HECW2: variants seen among roughly 807,000 people sequenced by gnomAD.
HECW2 encodes the protein HECT, C2 and WW domain containing E3 ubiquitin protein ligase 2.
Under a neutral mutation model 175.2 loss-of-function variants are expected in HECW2, and 61 were observed. The ratio of observed to expected loss-of-function variants is 0.35; its 90% confidence interval spans 0.28 to 0.43. HECW2 has a LOEUF of 0.43. Among genes scored for constraint, HECW2 ranks in the 20% least tolerant of loss-of-function variants. The pLI is 1.00. For synonymous variants in HECW2, 671 were observed against 731.0 expected (o/e 0.92, Z 1.32); for missense variants, 1,524 against 2,000.5 (o/e 0.76, Z 4.54).
chr2:196,266,353 G>GA (rs972039955), intron 17 of HECW2, among the ~76,000 whole-genome samples: 43 of 135,156 alleles, frequency 3.2e-4, no homozygotes, highest in East Asian at 4.2e-4. Context: ...TGCCTCAAAA[G>GA]AAAAAAAAAA....
At chr2:196,245,072 T>C (rs572024870) in intron 19 of HECW2, among the ~76,000 whole-genome samples, 5 of 152,288 alleles carry the variant, frequency 3.3e-5, no homozygotes, top group Middle Eastern at 3.4e-3. Flanking sequence ...GGATAAGGAC[T>C]AGACTGGAGT....
rs777625334 is a variant in HECW2 at position 196,220,894 on chromosome 2, T to C, written c.4194A>G (p.Thr1398=). The C allele has an allele frequency of 6.2e-7, 1 of 1,614,162 alleles. No individual in the cohort carries two copies. Among genetic ancestry groups the C allele is most frequent in the South Asian group, 1.1e-5 (1 of 91,082 alleles). The change falls in exon 25 of 29, where the codon ACA becomes ACG. Residue 1398 remains threonine, a synonymous_variant. Coordinates refer to ENST00000644978, the MANE Select transcript of HECW2 (RefSeq NM_001348768.2). ...LKPGGANIPV[T]EKNKKEYIER... is the part of the protein sequence containing the mutation. The stretch of plus-strand genomic sequence containing the variant: ...CGATGTACTCCTTCTTGTTCTTCTC[T>C]GTAACTGGGATATTGGCACCCCCTG...
chr2:196,581,303 G>A (rs1054747900), intron 1 of HECW2, among the ~76,000 whole-genome samples: 20 of 152,316 alleles, frequency 1.3e-4, no homozygotes, highest in Admixed American at 5.9e-4. Context: ...GGGAGGCCAA[G>A]ACAGGAGAAT....
At chr2:196,329,481 T>G (rs1167833295) in intron 5 of HECW2, 94 bp downstream of exon 5, 2 of 963,722 alleles carry the variant, frequency 2.1e-6, no homozygotes, top group East Asian at 4.9e-5. Flanking sequence ...CATATCATCA[T>G]ATCATATACG....
intron 2 of HECW2, among the ~76,000 whole-genome samples, chr2:196,358,808 A>G (rs747132965): frequency 2.6e-4 from 40 of 152,178 alleles, no homozygotes; most frequent in Non-Finnish European, 4.7e-4. Flanking sequence ...TTCTTAATCC[A>G]TAGATGCCAA....
intron 2 of HECW2, among the ~76,000 whole-genome samples, chr2:196,399,078 T>G (rs753724610): frequency 6.6e-6 from 1 of 152,234 alleles, no homozygotes; most frequent in South Asian, 2.1e-4. Flanking sequence ...CATGATGACA[T>G]ATTGGCCCCC....
intron 1 of HECW2, among the ~76,000 whole-genome samples, chr2:196,462,686 C>G (rs1696793952): frequency 6.6e-6 from 1 of 151,710 alleles, no homozygotes; most frequent in Non-Finnish European, 1.5e-5. Context: ...ACCCACCCCT[C>G]CCCCCGAAAA....
chr2:196,553,116 A>C (rs910009523), intron 1 of HECW2, among the ~76,000 whole-genome samples: 7 of 152,258 alleles, frequency 4.6e-5, no homozygotes, highest in Admixed American at 1.3e-4. Context: ...CTAGGAATCA[A>C]ATTTAAATGA....
Position 196,203,463 on chromosome 2 carries a change from A to G in HECW2, c.4608-2075T>C, listed in dbSNP as rs181274076. Among the ~76,000 whole-genome samples the G allele has an allele frequency of 2.6e-5, 4 of 152,340 alleles. No homozygotes were observed. The East Asian group carries it at 7.7e-4, about 29-fold the overall frequency. ...TTCCAGGGGTAGGGGAGGAAGAAGC[A>G]GAAAAGTAGAATACGTTTTGAATAT... On this transcript the variant is annotated intron_variant, in intron 28 of 28. Transcript: ENST00000644978.
chr2:196,559,332 C>T (rs980425956), intron 1 of HECW2, among the ~76,000 whole-genome samples: 1 of 152,196 alleles, frequency 6.6e-6, no homozygotes, highest in African/African-American at 2.4e-5. Flanking sequence ...GTCCACCCTT[C>T]AGAAACACGT....
intron 1 of HECW2, among the ~76,000 whole-genome samples, chr2:196,514,683 C>T (rs953602620): frequency 3.3e-5 from 5 of 152,312 alleles, no homozygotes; most frequent in Non-Finnish European, 5.9e-5. Context: ...AACAACCCCC[C>T]TGAGGACAGG....
At chr2:196,201,800 T>C (rs939376712) in intron 28 of HECW2, among the ~76,000 whole-genome samples, 4 of 152,166 alleles carry the variant, frequency 2.6e-5, no homozygotes, top group African/African-American at 9.7e-5. Flanking sequence ...TGGGTGTCTC[T>C]TCGATACTCT....
Position 196,199,597 on chromosome 2 carries a change from C to T in HECW2, c.*1680G>A, listed in dbSNP as rs556369873. ...TCCCATAATAGGAATTCCATGGCTG[C>T]TTATAAATATAGATCTCAAAGAAAT... On this transcript the variant is annotated 3_prime_UTR_variant, in exon 29 of 29. Transcript: ENST00000644978. 1 of 152,646 alleles carries T rather than the reference C, an allele frequency of 6.6e-6. No homozygotes were observed. The highest frequency in any genetic ancestry group is 1.9e-4 in the East Asian group (1 of 5,178). The allele number at this position is 152,646 out of a possible 1,614,324, so 9.5% of individuals were successfully genotyped here. A position where few individuals can be genotyped will look rare whatever the true frequency, so the allele number is the denominator to read the frequency against.
chr2:196,271,298 A>G lies in HECW2; in HGVS notation c.3239-9T>C, dbSNP rs921172243. 7 of 1,556,894 alleles carry G rather than the reference A, an allele frequency of 4.5e-6. No individual in the cohort carries two copies. Among genetic ancestry groups the G allele is most frequent in the Non-Finnish European group, 6.2e-6 (7 of 1,129,860 alleles). ...AATCTTGTCATTGTAAGCTGAAAAA[A>G]AAATCAGAAAAGACAACAATTTAAA... On this transcript the variant is annotated splice_polypyrimidine_tract_variant and intron_variant, in intron 16 of 28. Coordinates refer to ENST00000644978, the MANE Select transcript of HECW2 (RefSeq NM_001348768.2).
Position 196,319,337 on chromosome 2 carries a change from G to T in HECW2, c.1553C>A (p.Ala518Asp), listed in dbSNP as rs769207457. 1 of 1,614,148 alleles carries T rather than the reference G, an allele frequency of 6.2e-7. No homozygotes were observed. The highest frequency in any genetic ancestry group is 1.3e-5 in the African/African-American group (1 of 75,048). The change falls in exon 9 of 29, where the codon GCC (alanine) becomes GAC (aspartate). Residue 518 changes from alanine to aspartate, a missense_variant. Ala to Asp is a moderately radical substitution (Grantham distance 126). Coordinates refer to ENST00000644978, the MANE Select transcript of HECW2 (RefSeq NM_001348768.2). ...LEDNPVENEE[A>D]STHEAASFED... ...AAAGGAAGCAGCTTCGTGTGTGGAGGCTTCCTCATTCTCAACAGGGTTGTC... is the reference window on the plus strand; with the variant it reads ...AAAGGAAGCAGCTTCGTGTGTGGAGTCTTCCTCATTCTCAACAGGGTTGTC...
At chr2:196,251,174 G>C (rs1575295881) in intron 19 of HECW2, among the ~76,000 whole-genome samples, 1 of 152,204 alleles carries the variant, frequency 6.6e-6, no homozygotes, top group East Asian at 1.9e-4. Flanking sequence ...GTGAGTAGCT[G>C]GGACTTCCTG....
At chr2:196,353,508 A>G (rs1693248115) in intron 2 of HECW2, among the ~76,000 whole-genome samples, 1 of 152,202 alleles carries the variant, frequency 6.6e-6, no homozygotes. Context: ...AAGTGCCTAG[A>G]ATAAAACCTG....
chr2:196,245,280 AC>A (rs1688605402), intron 19 of HECW2, among the ~76,000 whole-genome samples: 1 of 152,222 alleles, frequency 6.6e-6, no homozygotes, highest in African/African-American at 2.4e-5. Flanking sequence ...TCACAAGTCT[AC>A]GAAGCGGGTA....
At chr2:196,573,248 C>CA (rs113834036) in intron 1 of HECW2, among the ~76,000 whole-genome samples, 1,174 of 76,994 alleles carry the variant, frequency 0.015, 7 homozygotes, top group Middle Eastern at 0.03. Flanking sequence ...GAATGCTGAC[C>CA]AAAAAAAAAA....
Sources: allele counts gnomAD v4.1 joint callset (sites outside exome capture counted in the v4.1 genomes callset), GRCh38; gene constraint gnomAD v4.1.1; transcripts MANE v1.5; gene names NCBI Gene and HGNC (gene_info 2026-07-23, HGNC 2026-07-21).